CLN5: variants seen among roughly 807,000 people sequenced by gnomAD.
CLN5 encodes the protein bis(monoacylglycero)phosphate synthase CLN5.
Under a neutral mutation model 36.7 loss-of-function variants are expected in CLN5, and 34 were observed. That is an observed-to-expected ratio of 0.93 (90% CI 0.71 to 1.23). The LOEUF is 1.23. Ranked by LOEUF, CLN5 falls within the 50% of genes most tolerant of loss-of-function variation. The probability of loss-of-function intolerance (pLI) is 0.00; values close to 1 mark genes in which losing one functional copy is unlikely to be tolerated. For missense variants in CLN5, 427 were observed against 439.4 expected (o/e 0.97, Z 0.25); for synonymous variants, 151 against 155.1 (o/e 0.97, Z 0.20).
At chr13:76,992,329 G>A (rs1405871463) in intron 1 of CLN5, 58 bp downstream of exon 1, 2 of 1,439,952 alleles carry the variant, frequency 1.4e-6, no homozygotes, top group African/African-American at 1.4e-5. Flanking sequence ...GATGGGGGAT[G>A]GGGTGCTGGG....
chr13:76,998,955 A>G (rs1010615575), intron 3 of CLN5: 4 of 152,240 alleles, frequency 2.6e-5, no homozygotes, highest in Non-Finnish European at 4.4e-5. Flanking sequence ...GTCAATGATC[A>G]TATGAATAAG....
intron 1 of CLN5, chr13:76,993,535 CT>C (rs1184773400): frequency 7.9e-5 from 12 of 151,978 alleles, no homozygotes. Flanking sequence ...TTGACTATGG[CT>C]TTTTAGTGGA....
rs1378127813 is a variant in CLN5, at chr13:77,004,354, A to C, written c.*3385A>C. ...TCACAAAGGCAAACAGGCTGGCCAA[A>C]GTGTTTCCAGCATCTTCGTCATATT... is the stretch of plus-strand genomic sequence containing the variant. On this transcript the variant is annotated 3_prime_UTR_variant, in exon 4 of 4. Transcript: ENST00000377453. 1 of 152,228 alleles carries C rather than the reference A, an allele frequency of 6.6e-6. No homozygotes were observed. Among genetic ancestry groups the C allele is most frequent in the Non-Finnish European group, 1.5e-5 (1 of 68,042 alleles). The allele number at this position is 152,228 out of a possible 1,614,324, so 9.4% of individuals were successfully genotyped here.
rs1391171977 is a variant in CLN5 at position 76,996,001 on chromosome 13, C to G, written c.439C>G (p.Pro147Ala). 1 of 1,614,034 alleles carries G rather than the reference C, an allele frequency of 6.2e-7. No individual in the cohort carries two copies. The highest frequency in any genetic ancestry group is 1.3e-5 in the African/African-American group (1 of 74,926). The change falls in exon 3 of 4, where the codon CCC becomes GCC. Residue 147 changes from proline (P) to alanine (A), a missense_variant. Physicochemically the swap from Pro to Ala is conservative, Grantham distance 27 (BLOSUM62 -1). Transcript: ENST00000377453. Reference protein sequence around the residue: ...ELFQLGNCTFPHLRPEMDAPF... With the variant: ...ELFQLGNCTFAHLRPEMDAPF... ...TTTCCAACTTGGCAACTGTACATTT[C>G]CCCATCTCCGACCTGAAATGGATGC...
chr13:76,999,039 G>A (rs1182501461), intron 3 of CLN5: 1 of 152,160 alleles, frequency 6.6e-6, no homozygotes, highest in African/African-American at 2.4e-5. Context: ...TTTGCCTTGT[G>A]AATAATCCTG....
chr13:76,996,286 CTT>C (rs1187190924), intron 3 of CLN5, 159 bp downstream of exon 3: 2 of 635,542 alleles, frequency 3.1e-6, no homozygotes, highest in Non-Finnish European at 5.4e-6. Context: ...TTTTTCATCT[CTT>C]ATTTGTATTT....
At position 76,992,210 on chromosome 13, in the gene CLN5, G is replaced by T. The variant is rs1428774688; in HGVS notation, c.112G>T (p.Val38Phe). The change falls in exon 1 of 4, where the codon GTT becomes TTT. Residue 38 changes from valine to phenylalanine, a missense_variant. By Grantham distance (50) the Val-to-Phe change is conservative. Coordinates refer to ENST00000377453, the MANE Select transcript of CLN5 (RefSeq NM_006493.4). ...WALALLWLAV[V>F]PGWSRVSGIP... ...CCTGGCGCTGCTTTGGCTCGCGGTGGTTCCGGGCTGGTCCCGGGTCTCGGG... is the reference window on the plus strand; with the variant it reads ...CCTGGCGCTGCTTTGGCTCGCGGTGTTTCCGGGCTGGTCCCGGGTCTCGGG... The T allele has an allele frequency of 6.2e-7, 1 of 1,601,938 alleles. No individual in the cohort carries two copies.
chr13:76,996,223 A>G, intron 3 of CLN5, 96 bp downstream of exon 3: 1 of 1,046,168 alleles, frequency 9.6e-7, no homozygotes, highest in Non-Finnish European at 1.5e-6. Flanking sequence ...GTAATGTTTT[A>G]CTTAGAGGTC....
At chr13:76,998,211 A>C (rs1301677496) in intron 3 of CLN5, 2 of 152,154 alleles carry the variant, frequency 1.3e-5, no homozygotes, top group Non-Finnish European at 2.9e-5. Flanking sequence ...TAAATATTTT[A>C]TCTTTGAGAT....
chr13:77,001,759 T>C lies in CLN5; in HGVS notation c.*790T>C. On this transcript the variant is annotated 3_prime_UTR_variant, in exon 4 of 4. Coordinates refer to ENST00000377453, the MANE Select transcript of CLN5 (RefSeq NM_006493.4). ...GTTTATGTGCCAAACTTTCCAGGGT[T>C]TTGTAGTCACCTAGATTTTAAGCTG... is the stretch of plus-strand genomic sequence containing the variant. The C allele has an allele frequency of 6.6e-6, 1 of 152,228 alleles. No homozygotes were observed. The highest frequency in any genetic ancestry group is 2.4e-5 in the African/African-American group (1 of 41,456). The allele number at this position is 152,228 out of a possible 1,614,324, so 9.4% of individuals were successfully genotyped here. A position where few individuals can be genotyped will look rare whatever the true frequency, so the allele number is the denominator to read the frequency against.
chr13:76,997,835 G>A (rs1309059478), intron 3 of CLN5: 1 of 152,064 alleles, frequency 6.6e-6, no homozygotes, highest in Non-Finnish European at 1.5e-5. Context: ...CTTTCTAAAC[G>A]AAATAGTAAG....
At chr13:76,994,834 G>A (rs1462977403) in intron 1 of CLN5, 3 of 453,276 alleles carry the variant, frequency 6.6e-6, no homozygotes, top group Non-Finnish European at 1.2e-5. Flanking sequence ...TTCACAGTGG[G>A]ATCAGGGAAC....
intron 3 of CLN5, chr13:76,997,993 C>T (rs1407458787): frequency 6.6e-6 from 1 of 152,272 alleles, no homozygotes; most frequent in Non-Finnish European, 1.5e-5. Flanking sequence ...TCACATCATT[C>T]ATCATCACAA....
intron 1 of CLN5, 92 bp from the exon 2 acceptor site, chr13:76,994,971 G>A: frequency 8.8e-7 from 1 of 1,137,274 alleles, no homozygotes; most frequent in African/African-American, 1.5e-5. Flanking sequence ...ACCTTTGAAT[G>A]GTCCCCTAAA....
intron 1 of CLN5, chr13:76,994,100 G>T (rs1450082525): frequency 6.6e-6 from 1 of 152,072 alleles, no homozygotes; most frequent in African/African-American, 2.4e-5. Context: ...GTGAAATAAG[G>T]TTTACTTTAT....
In CLN5 at chr13:77,004,174, G is replaced by GTCT. The variant is rs1381835245; in HGVS notation, c.*3207_*3209dup. ...CTTAAAAATTGGAGAAAAAAATCAA[G>GTCT]TCTTAGGAAGTCTTATCCAGTTTTA... On this transcript the variant is annotated 3_prime_UTR_variant, in exon 4 of 4. Transcript: ENST00000377453. 3 of 152,082 alleles carry GTCT rather than the reference G, an allele frequency of 2.0e-5. No individual in the cohort carries two copies. The highest frequency in any genetic ancestry group is 7.2e-5 in the African/African-American group (3 of 41,408). 9.4% of individuals were successfully genotyped at this position (152,082 alleles called of 1,614,324 possible).
rs1240633550 is a variant in CLN5, at chr13:77,000,510, A to C, written c.618A>C (p.Gly206=). 3 of 1,613,836 alleles carry C rather than the reference A, an allele frequency of 1.9e-6. No homozygotes were observed. Among genetic ancestry groups the C allele is most frequent in the South Asian group, 1.1e-5 (1 of 91,034 alleles). The part of the protein sequence containing the change: ...AKWVKQDNET[G]IYYETWNVKA... ...GGGTGAAACAGGACAATGAAACAGG[A>C]ATTTATTATGAGACATGGAATGTAA... Residue 206 remains glycine, a synonymous_variant, in exon 4 of 4, where the codon GGA becomes GGC. Transcript: ENST00000377453.
intron 1 of CLN5, chr13:76,993,731 G>C (rs2034218505): frequency 6.6e-6 from 1 of 152,146 alleles, no homozygotes; most frequent in African/African-American, 2.4e-5. Flanking sequence ...ATAAAACACT[G>C]TACCCAAGTA....
rs750927687 is a variant in CLN5, at chr13:77,000,990, C to CT, written c.*27dup. The CT allele has an allele frequency of 1.3e-6, 2 of 1,594,390 alleles. No homozygotes were observed. Among genetic ancestry groups the CT allele is most frequent in the Non-Finnish European group, 8.5e-7 (1 of 1,171,366 alleles). On this transcript the variant is annotated 3_prime_UTR_variant, in exon 4 of 4. Transcript: ENST00000377453. ...TATAAAACACCTTAATTCTACTGCT[C>CT]TTTTTTCTCCAATCACCAGCATCTG...
Sources: gnomAD v4.1 joint callset for allele counts on GRCh38, gnomAD v4.1.1 for gene constraint, MANE v1.5 for transcripts, NCBI Gene and HGNC (gene_info 2026-07-23, HGNC 2026-07-21) for gene names.